The following ULK4 variants were observed in gnomAD, a reference collection of about 807,000 sequenced individuals.
ULK4 encodes the protein unc-51 like kinase 4.
In ULK4, 133 loss-of-function variants were observed where a neutral mutation model predicts 160.6. That is an observed-to-expected ratio of 0.83 (90% CI 0.72 to 0.96). The LOEUF (loss-of-function observed/expected upper bound fraction) is 0.96. Ranked by LOEUF, ULK4 falls within the 40% of genes least tolerant of loss-of-function variation. ULK4 has a pLI of 0.00. For missense variants in ULK4, 1,580 were observed against 1,499.5 expected (o/e 1.05, Z -0.89); for synonymous variants, 534 against 539.8 (o/e 0.99, Z 0.15).
intron 30 of ULK4, among the ~76,000 whole-genome samples, chr3:41,660,634 T>C (rs749578524): frequency 3.3e-5 from 5 of 152,224 alleles, no homozygotes; most frequent in African/African-American, 9.6e-5. Flanking sequence ...CACATGTTGC[T>C]AGGACCTCCC....
At chr3:41,604,076 G>A (rs1049606183) in intron 31 of ULK4, among the ~76,000 whole-genome samples, 2 of 152,028 alleles carry the variant, frequency 1.3e-5, no homozygotes, top group Non-Finnish European at 2.9e-5. Flanking sequence ...AAAATGGAAG[G>A]TTCAGAAACA....
chr3:41,626,429 C>A (rs1220766265), intron 30 of ULK4, among the ~76,000 whole-genome samples: 1 of 151,606 alleles, frequency 6.6e-6, no homozygotes, highest in Non-Finnish European at 1.5e-5. Flanking sequence ...ACAAATTGAT[C>A]TTAAGATGAT....
intron 30 of ULK4, among the ~76,000 whole-genome samples, chr3:41,630,954 T>C (rs2033714862): frequency 6.6e-6 from 1 of 152,230 alleles, no homozygotes; most frequent in Non-Finnish European, 1.5e-5. Flanking sequence ...TTACATAATT[T>C]ACCAGTCTAG....
intron 32 of ULK4, among the ~76,000 whole-genome samples, chr3:41,542,484 TTTTTG>T (rs964301232): frequency 1.3e-5 from 2 of 152,326 alleles, no homozygotes; most frequent in African/African-American, 2.4e-5. Flanking sequence ...AAATTTTCTT[TTTTTG>T]TTTTGTCTTT....
At chr3:41,905,775 T>C (rs112011853) in intron 12 of ULK4, among the ~76,000 whole-genome samples, 7 of 152,184 alleles carry the variant, frequency 4.6e-5, no homozygotes, top group African/African-American at 9.6e-5. Flanking sequence ...CACTAAGACA[T>C]AGAAATTCAC....
At chr3:41,685,274 C>T (rs1259529193) in intron 27 of ULK4, among the ~76,000 whole-genome samples, 5 of 152,170 alleles carry the variant, frequency 3.3e-5, no homozygotes, top group African/African-American at 7.2e-5. Flanking sequence ...ATGAGATCTT[C>T]GGCCCTTTCT....
At chr3:41,817,487 T>C (rs2041010829) in intron 19 of ULK4, among the ~76,000 whole-genome samples, 1 of 152,198 alleles carries the variant, frequency 6.6e-6, no homozygotes, top group Non-Finnish European at 1.5e-5. Flanking sequence ...TGGATGCAGC[T>C]GGAAGCCATT....
At chr3:41,551,372 A>G (rs2087058392) in intron 32 of ULK4, among the ~76,000 whole-genome samples, 1 of 150,598 alleles carries the variant, frequency 6.6e-6, no homozygotes, top group South Asian at 2.1e-4. Flanking sequence ...AAAATAAAAA[A>G]CCACTAGCAA....
intron 21 of ULK4, among the ~76,000 whole-genome samples, chr3:41,773,162 A>G (rs891052728): frequency 7.9e-5 from 12 of 152,216 alleles, no homozygotes; most frequent in Admixed American, 7.9e-4. Context: ...AACTGGCACA[A>G]GACAGGGATG....
At chr3:41,312,799 C>T (rs571476152) in intron 35 of ULK4, among the ~76,000 whole-genome samples, 1 of 152,064 alleles carries the variant, frequency 6.6e-6, no homozygotes, top group Non-Finnish European at 1.5e-5. Flanking sequence ...CAGAGTGAGA[C>T]CCTGTCTCAA....
chr3:41,396,734 T>C (rs2082069732), intron 35 of ULK4, among the ~76,000 whole-genome samples: 1 of 152,166 alleles, frequency 6.6e-6, no homozygotes, highest in African/African-American at 2.4e-5. Flanking sequence ...CATCTAGTGC[T>C]AGGCTGATGT....
At chr3:41,503,006 C>A (rs1161565384) in intron 32 of ULK4, among the ~76,000 whole-genome samples, 1 of 152,044 alleles carries the variant, frequency 6.6e-6, no homozygotes, top group African/African-American at 2.4e-5. Context: ...AGCAATACAA[C>A]TATTGATAAA....
intron 5 of ULK4, 125 bp from the exon 6 acceptor site, chr3:41,919,943 C>CTCCCATGGAGCATTTTTGCTATGCT: frequency 1.9e-6 from 1 of 529,390 alleles, no homozygotes; most frequent in African/African-American, 1.9e-5. Flanking sequence ...AATAAAACTT[C>CTCCCATGGAGCATTTTTGCTATGCT]ATGTGCATTT....
intron 31 of ULK4, among the ~76,000 whole-genome samples, chr3:41,585,344 CAG>C (rs1318476914): frequency 1.3e-5 from 2 of 152,112 alleles, no homozygotes; most frequent in East Asian, 3.9e-4. Flanking sequence ...TGGAACGAAA[CAG>C]AGAGCCCAGA....
chr3:41,604,532 G>C (rs947819471), intron 31 of ULK4, among the ~76,000 whole-genome samples: 2 of 152,058 alleles, frequency 1.3e-5, no homozygotes, highest in Non-Finnish European at 2.9e-5. Context: ...ACATTCATGA[G>C]TCATTAAACA....
At chr3:41,764,121 C>T (rs1455560786) in intron 21 of ULK4, among the ~76,000 whole-genome samples, 2 of 151,988 alleles carry the variant, frequency 1.3e-5, no homozygotes, top group African/African-American at 4.8e-5. Flanking sequence ...CTTTGGTATA[C>T]ACAATAAACT....
chr3:41,305,945 G>C (rs1305087768), intron 35 of ULK4, among the ~76,000 whole-genome samples: 2 of 147,028 alleles, frequency 1.4e-5, no homozygotes, highest in South Asian at 2.2e-4. Flanking sequence ...ATCTCTGCCC[G>C]GCCGCCCCGT....
intron 32 of ULK4, among the ~76,000 whole-genome samples, chr3:41,503,612 C>T (rs1175163548): frequency 1.3e-5 from 2 of 152,176 alleles, no homozygotes; most frequent in African/African-American, 2.4e-5. Context: ...TGGTACCCAA[C>T]CTTCTTCCAG....
rs2083531529 is a variant in ULK4, at chr3:41,455,702, T to C, written c.3394-107A>G. The C allele has an allele frequency of 3.4e-6, 3 of 873,736 alleles. No homozygotes were observed. The South Asian group carries it at 4.6e-5, about 13-fold the overall frequency. The allele number at this position is 873,736 out of a possible 1,614,324, so 54.1% of individuals were successfully genotyped here. ...CAGACACAAGGGGCTGAGGAAGCAT[T>C]CTACCTCAGTTCCCAAGGATGGAAT... On this transcript the variant is annotated intron_variant, in intron 33 of 36. Transcript: ENST00000301831.
Sources: gnomAD v4.1 joint callset for allele counts (sites outside exome capture counted in the v4.1 genomes callset) on GRCh38, gnomAD v4.1.1 for gene constraint, MANE v1.5 for transcripts, NCBI Gene and HGNC (gene_info 2026-07-23, HGNC 2026-07-21) for gene names.